Variants in CDH13 observed in about 807,000 individuals in gnomAD.
The protein encoded by CDH13 is cadherin 13.
CDH13 carries 24 observed loss-of-function variants against 63.8 expected under a neutral mutation model. The ratio of observed to expected loss-of-function variants is 0.38; its 90% CI spans 0.27 to 0.53. CDH13 has a LOEUF of 0.53. Among genes scored for constraint, CDH13 ranks in the 20% least tolerant of loss-of-function variants. The pLI is 0.85. For synonymous variants in CDH13, 503 were observed against 355.3 expected (o/e 1.42, Z -4.67); for missense variants, 1,049 against 903.1 (o/e 1.16, Z -2.07).
At chr16:83,252,339 T>C (rs1015977482) in intron 5 of CDH13, among the ~76,000 whole-genome samples, 1 of 151,696 alleles carries the variant, frequency 6.6e-6, no homozygotes, top group Non-Finnish European at 1.5e-5. Flanking sequence ...TGTGCATCTT[T>C]AGGCAAGAAT....
chr16:83,463,847 T>A (rs1272073331), intron 6 of CDH13, among the ~76,000 whole-genome samples: 1 of 151,922 alleles, frequency 6.6e-6, no homozygotes, highest in Non-Finnish European at 1.5e-5. Flanking sequence ...TCGGATTCTG[T>A]TTCATAGGCC....
intron 1 of CDH13, among the ~76,000 whole-genome samples, chr16:82,743,085 C>G (rs2034005666): frequency 6.6e-6 from 1 of 152,128 alleles, no homozygotes; most frequent in Non-Finnish European, 1.5e-5. Flanking sequence ...GTATGTAGCG[C>G]CCACAACACC....
chr16:83,468,163 A>T lies in CDH13; in HGVS notation c.782-18314A>T, dbSNP rs111514668. Among the ~76,000 whole-genome samples, 1,331 of 152,226 alleles carry T rather than the reference A, an allele frequency of 8.7e-3. 14 individuals carry two copies. Among genetic ancestry groups the T allele is most frequent in the African/African-American group, 0.03 (1,264 of 41,538 alleles). On this transcript the variant is annotated intron_variant, in intron 6 of 13. Coordinates refer to ENST00000567109, the MANE Select transcript of CDH13 (RefSeq NM_001257.5). ...TCCATGTGATCTGATTTGGAAGAAG[A>T]GTCTTTGCAGTTGTGATTTATTGAA...
chr16:82,690,834 C>T (rs1164718897), intron 1 of CDH13, among the ~76,000 whole-genome samples: 1 of 152,236 alleles, frequency 6.6e-6, no homozygotes, highest in Non-Finnish European at 1.5e-5. Context: ...CTGGCCTCGG[C>T]TGAGCTGACT....
At chr16:83,469,095 C>A (rs2073391259) in intron 6 of CDH13, among the ~76,000 whole-genome samples, 1 of 152,144 alleles carries the variant, frequency 6.6e-6, no homozygotes, top group East Asian at 1.9e-4. Flanking sequence ...TTTGCTGGGC[C>A]AGATGTGTTT....
intron 7 of CDH13, among the ~76,000 whole-genome samples, chr16:83,528,728 A>G (rs1414408553): frequency 1.3e-5 from 2 of 152,174 alleles, no homozygotes; most frequent in Non-Finnish European, 2.9e-5. Flanking sequence ...AACACTAAGC[A>G]CTGAAAAAGA....
At chr16:82,957,571 C>A (rs1431090401) in intron 2 of CDH13, among the ~76,000 whole-genome samples, 2 of 152,178 alleles carry the variant, frequency 1.3e-5, no homozygotes, top group African/African-American at 4.8e-5. Flanking sequence ...CCCCTGCTAT[C>A]TTCTGAATCC....
At chr16:82,715,468 G>C (rs929568117) in intron 1 of CDH13, among the ~76,000 whole-genome samples, 6 of 152,116 alleles carry the variant, frequency 3.9e-5, no homozygotes, top group Admixed American at 2.6e-4. Context: ...CCAGAGCTAC[G>C]TGCGATGCTG....
intron 5 of CDH13, among the ~76,000 whole-genome samples, chr16:83,276,069 C>T (rs1183601067): frequency 3.9e-5 from 6 of 152,158 alleles, no homozygotes; most frequent in African/African-American, 7.2e-5. Context: ...GACTGATTTA[C>T]AGGATCATAG....
intron 6 of CDH13, among the ~76,000 whole-genome samples, chr16:83,400,331 G>T (rs2091949325): frequency 6.6e-6 from 1 of 152,146 alleles, no homozygotes; most frequent in Non-Finnish European, 1.5e-5. Context: ...CTGGTGCTCT[G>T]ATGCAGGAAG....
chr16:83,310,079 T>C (rs530044266), intron 5 of CDH13, among the ~76,000 whole-genome samples: 15 of 152,318 alleles, frequency 9.8e-5, no homozygotes, highest in African/African-American at 3.6e-4. Context: ...TAAGGTCCCT[T>C]ATGAAAGATA....
chr16:82,853,218 C>T (rs571401904), intron 1 of CDH13, among the ~76,000 whole-genome samples: 2 of 152,286 alleles, frequency 1.3e-5, no homozygotes, highest in African/African-American at 4.8e-5. Context: ...GCAGCTGATC[C>T]TGAGATGCAA....
At chr16:83,178,960 A>G (rs2038238314) in intron 4 of CDH13, among the ~76,000 whole-genome samples, 1 of 152,210 alleles carries the variant, frequency 6.6e-6, no homozygotes, top group Admixed American at 6.5e-5. Context: ...TGTGCTTCTC[A>G]TTATGCAAAA....
intron 6 of CDH13, among the ~76,000 whole-genome samples, chr16:83,459,667 A>T (rs1342665421): frequency 1.3e-5 from 2 of 152,204 alleles, no homozygotes; most frequent in African/African-American, 2.4e-5. Context: ...GGAAATTTTG[A>T]TGGTTTCATG....
rs7195427 is a variant in CDH13, at chr16:83,502,641, C to G, written c.960+15986C>G. Among the ~76,000 whole-genome samples the G allele has an allele frequency of 1.1e-4, 16 of 152,164 alleles. No homozygotes were observed. In the South Asian group the frequency reaches 1.5e-3, roughly 14 times the overall value. ...CAGTAGCTTTTGACCTTGAAAGAGACGATGTGTGAAATACATTAGTTTTGG... is the reference window on the plus strand; with the variant it reads ...CAGTAGCTTTTGACCTTGAAAGAGAGGATGTGTGAAATACATTAGTTTTGG... On this transcript the variant is annotated intron_variant, in intron 7 of 13. Coordinates refer to ENST00000567109, the MANE Select transcript of CDH13 (RefSeq NM_001257.5).
intron 4 of CDH13, among the ~76,000 whole-genome samples, chr16:83,153,231 G>A (rs1020055026): frequency 6.6e-6 from 1 of 152,014 alleles, no homozygotes; most frequent in African/African-American, 2.4e-5. Context: ...TGGTTGGGTC[G>A]GAGATGAAAT....
At chr16:83,783,493 T>C (rs776976595) in intron 13 of CDH13, 21 bp downstream of exon 13, 3 of 1,585,614 alleles carry the variant, frequency 1.9e-6, no homozygotes, top group South Asian at 2.2e-5. Flanking sequence ...CTAACTCCAG[T>C]GCATGCACAA....
chr16:83,311,220 G>T (rs1040806200), intron 5 of CDH13, among the ~76,000 whole-genome samples: 3 of 152,062 alleles, frequency 2.0e-5, no homozygotes, highest in African/African-American at 7.2e-5. Context: ...TTGGTTGTCT[G>T]TCCCCATTCC....
intron 3 of CDH13, among the ~76,000 whole-genome samples, chr16:83,095,785 G>A (rs1037678700): frequency 6.6e-6 from 1 of 152,098 alleles, no homozygotes; most frequent in Non-Finnish European, 1.5e-5. Flanking sequence ...AAGACTCTAT[G>A]ATTCTCACTG....
Sources: gnomAD v4.1 joint callset for allele counts (sites outside exome capture counted in the v4.1 genomes callset) on GRCh38, gnomAD v4.1.1 for gene constraint, MANE v1.5 for transcripts, NCBI Gene and HGNC (gene_info 2026-07-23, HGNC 2026-07-21) for gene names.